The following ADGRG1 variants were observed in gnomAD, a reference collection of about 807,000 sequenced individuals.
ADGRG1 encodes the protein 7-transmembrane protein with no EGF-like N-terminal domains-1.
ADGRG1 carries 53 observed loss-of-function variants against 73.5 expected under a neutral mutation model. The ratio of observed to expected loss-of-function variants is 0.72; its 90% CI spans 0.58 to 0.91. The LOEUF is 0.91. Among genes scored for constraint, ADGRG1 ranks in the 40% least tolerant of loss-of-function variants. The pLI is 0.00. For synonymous variants in ADGRG1, 394 were observed against 374.4 expected, an observed-to-expected ratio of 1.05 and a Z score of -0.60; for missense variants, 795 against 871.8, an observed-to-expected ratio of 0.91 and a Z score of 1.11.
chr16:57,632,804 G>C (rs376445244), intron 1 of ADGRG1: 2 of 985,356 alleles, frequency 2.0e-6, no homozygotes, highest in Non-Finnish European at 2.4e-6. Context: ...CGGTGGACAG[G>C]CCTCTCTGCA....
intron 1 of ADGRG1, chr16:57,647,573 G>A (rs948343089): frequency 6.5e-6 from 3 of 461,080 alleles, no homozygotes; most frequent in African/African-American, 2.1e-5. Flanking sequence ...TGAGGAAAGC[G>A]AGGCCCAGAG....
chr16:57,655,001 T>C, intron 5 of ADGRG1: 1 of 957,514 alleles, frequency 1.0e-6, no homozygotes, highest in African/African-American at 1.8e-5. Flanking sequence ...ATTACAGGCG[T>C]GAGCCACTGC....
intron 5 of ADGRG1, chr16:57,655,093 A>G: frequency 6.1e-6 from 6 of 984,846 alleles, no homozygotes; most frequent in Non-Finnish European, 7.2e-6. Flanking sequence ...CCACATGGCC[A>G]CCCCCAAGTT....
intron 1 of ADGRG1, among the ~76,000 whole-genome samples, chr16:57,645,635 C>A (rs752368285): frequency 6.6e-6 from 1 of 152,202 alleles, no homozygotes; most frequent in Non-Finnish European, 1.5e-5. Flanking sequence ...GTTCATAAGC[C>A]CGTGGTTCCC....
intron 1 of ADGRG1, chr16:57,641,360 G>A: frequency 1.0e-6 from 1 of 984,706 alleles, no homozygotes; most frequent in Non-Finnish European, 1.2e-6. Flanking sequence ...CCTTGGAGAT[G>A]GCCAGGTGGA....
At chr16:57,627,295 G>C (rs77769326), upstream of ADGRG1, 1 of 156,810 alleles carries the variant, frequency 6.4e-6, no homozygotes, top group Non-Finnish European at 1.4e-5. Flanking sequence ...GATCTCTACC[G>C]GAGAGAAGGA....
upstream of ADGRG1, among the ~76,000 whole-genome samples, chr16:57,624,939 T>A (rs925659934): frequency 2.6e-5 from 4 of 152,190 alleles, no homozygotes; most frequent in Admixed American, 6.5e-5. Flanking sequence ...GCTATTTTGG[T>A]CCCCACTTGG....
chr16:57,627,844 A>T, upstream of ADGRG1: 1 of 984,918 alleles, frequency 1.0e-6, no homozygotes, highest in African/African-American at 1.7e-5. Context: ...CAGAGGAATG[A>T]CCAGAAGGGG....
At chr16:57,656,315 G>T (rs2045715996) in intron 8 of ADGRG1, 44 bp downstream of exon 8, 3 of 1,080,744 alleles carry the variant, frequency 2.8e-6, no homozygotes, top group Non-Finnish European at 4.0e-6. Flanking sequence ...ATCTGGAAGA[G>T]AAATAGAGTC....
At chr16:57,659,757 G>T in intron 11 of ADGRG1, 76 bp downstream of exon 11, 1 of 1,493,830 alleles carries the variant, frequency 6.7e-7, no homozygotes. Context: ...ACCTGGTTCT[G>T]CCTCTCCACC....
chr16:57,653,456 T>G, intron 4 of ADGRG1, 121 bp downstream of exon 4: 1 of 1,516,324 alleles, frequency 6.6e-7, no homozygotes, highest in Non-Finnish European at 8.8e-7. Context: ...GAATGCTTCT[T>G]TGATTTCTCT....
chr16:57,655,331 G>A, intron 5 of ADGRG1, 68 bp from the exon 6 acceptor site: 1 of 1,599,864 alleles, frequency 6.3e-7, no homozygotes, highest in African/African-American at 1.3e-5. Context: ...GTGTGTGTGT[G>A]TGTGCTAGGG....
At chr16:57,652,990 T>C in intron 3 of ADGRG1, 1 of 1,424,626 alleles carries the variant, frequency 7.0e-7, no homozygotes, top group South Asian at 1.5e-5. Context: ...GGGCTGGCAT[T>C]GCTGGCGGGT....
At chr16:57,628,977 A>T (rs868690371) in intron 1 of ADGRG1, 175 bp downstream of exon 1, 336 of 467,416 alleles carry the variant, frequency 7.2e-4, no homozygotes, top group African/African-American at 9.7e-4. Context: ...TGAGTGTGTG[A>T]GAGTGAGTGA....
At chr16:57,627,799 G>C, upstream of ADGRG1, 1 of 985,438 alleles carries the variant, frequency 1.0e-6, no homozygotes, top group Non-Finnish European at 1.2e-6. Context: ...GACTCGAGAA[G>C]GGCACTGAAC....
At chr16:57,637,452 C>T in intron 1 of ADGRG1, 1 of 985,348 alleles carries the variant, frequency 1.0e-6, no homozygotes, top group Non-Finnish European at 1.2e-6. Context: ...GCGTGGTGTG[C>T]CTCGTCTGTA....
chr16:57,657,256 G>T (rs1407545573), intron 9 of ADGRG1, 117 bp from the exon 10 acceptor site: 1 of 1,456,806 alleles, frequency 6.9e-7, no homozygotes, highest in Non-Finnish European at 9.5e-7. Context: ...GTTGGGAGAG[G>T]GGGTTCTTAG....
At position 57,663,799 on chromosome 16, in the gene ADGRG1, G is replaced by A. The variant is rs1373520272; in HGVS notation, c.*217G>A. On this transcript the variant is annotated 3_prime_UTR_variant, in exon 14 of 14. Transcript: ENST00000562631. ...TACTCGGCTCTCACTCAGCTCCCAC[G>A]GGACTCAGAAGTGCGCCGCCATGCT... The A allele has an allele frequency of 4.4e-5, 27 of 613,208 alleles. No homozygotes were observed. Among genetic ancestry groups the A allele is most frequent in the Middle Eastern group, 4.3e-4 (1 of 2,310 alleles). 38.0% of individuals were successfully genotyped at this position (613,208 alleles called of 1,614,324 possible). A position where few individuals can be genotyped will look rare whatever the true frequency, so the allele number is the denominator to read the frequency against.
intron 1 of ADGRG1, chr16:57,643,636 C>T: frequency 1.0e-6 from 1 of 984,366 alleles, no homozygotes. Context: ...CAGGCCTGGG[C>T]ACCTGCCAGC....
Sources: allele counts gnomAD v4.1 joint callset (sites outside exome capture counted in the v4.1 genomes callset), GRCh38; gene constraint gnomAD v4.1.1; transcripts MANE v1.5; gene names NCBI Gene and HGNC (gene_info 2026-07-23, HGNC 2026-07-21).